Variants in DNAH9 observed in about 807,000 individuals in gnomAD.
DNAH9 encodes dynein axonemal heavy chain 9, also known as DNAH9 variant protein.
DNAH9 carries 345 observed loss-of-function variants against 471.6 expected under a neutral mutation model. The observed-to-expected ratio is 0.73, with a 90% CI of 0.67 to 0.80. DNAH9 has a LOEUF of 0.80. Among genes scored for constraint, DNAH9 ranks in the 30% least tolerant of loss-of-function variants. The probability of loss-of-function intolerance (pLI) is 0.00; values close to 1 mark genes in which losing one functional copy is unlikely to be tolerated. For missense variants in DNAH9, 5,407 were observed against 5,609.2 expected (o/e 0.96, Z 1.15); for synonymous variants, 2,093 against 2,123.6 (o/e 0.99, Z 0.40).
intron 13 of DNAH9, 94 bp from the exon 14 acceptor site, chr17:11,652,667 C>G (rs562676122): frequency 8.5e-7 from 1 of 1,177,492 alleles, no homozygotes; most frequent in African/African-American, 1.5e-5. Flanking sequence ...TTATAACACT[C>G]GCAAGTATTA....
chr17:11,738,928 T>C lies in DNAH9; in HGVS notation c.5863T>C (p.Phe1955Leu), dbSNP rs2075393641. The C allele has an allele frequency of 1.2e-6, 2 of 1,614,142 alleles. No homozygotes were observed. ...AIRDKKQWFS[F>L]LGEEISLNPS... ...TAGAGATAAGAAGCAGTGGTTCAGC[T>C]TCCTTGGGGAGGAGATCAGCCTGAA... The change falls in exon 29 of 69, where the codon TTC becomes CTC. Residue 1955 changes from phenylalanine (F) to leucine (L), a missense_variant. Physicochemically the swap from Phe to Leu is conservative, Grantham distance 22. Around this residue, in one of 3 missense-constraint regions of DNAH9, gnomAD observed 4,636 missense variants for 4,900.3 expected, o/e 0.95. Transcript: ENST00000262442.
At chr17:11,731,507 G>A (rs780463579) in intron 28 of DNAH9, among the ~76,000 whole-genome samples, 29 of 150,446 alleles carry the variant, frequency 1.9e-4, no homozygotes, top group African/African-American at 6.9e-4. Context: ...CCATTAACTC[G>A]TCATTTACAT....
rs1567788369 is a variant in DNAH9 at position 11,768,488 on chromosome 17, G to A, written c.7206G>A (p.Trp2402Ter). ...VDYRAEFSKWWLTEFKTVKFP... is the reference protein window; with the variant it reads ...VDYRAEFSKW ...ACCGGGCAGAGTTCAGCAAATGGTG[G>A]CTGACTGAGTTCAAAACAGTCAAGT... Residue 2402 changes from tryptophan (W) to a stop codon, truncating the protein, a stop_gained, in exon 37 of 69, where the codon TGG becomes TGA. Transcript: ENST00000262442. LOFTEE classifies it high-confidence loss of function. The A allele has an allele frequency of 6.2e-7, 1 of 1,614,098 alleles. No homozygotes were observed. The highest frequency in any genetic ancestry group is 8.5e-7 in the Non-Finnish European group (1 of 1,179,990).
Position 11,756,557 on chromosome 17 carries a change from G to A in DNAH9, c.6739-11G>A, listed in dbSNP as rs1183771211. On this transcript the variant is annotated splice_polypyrimidine_tract_variant and intron_variant, in intron 33 of 68. Transcript: ENST00000262442. The stretch of plus-strand genomic sequence containing the variant: ...CTTCCTCACTGGCATGCCCTTCCCT[G>A]TTGTCTCCAGGTGCTGACATTGGCC... 1.3e-6 allele frequency: 2 copies of A among 1,560,608 alleles called. No homozygotes were observed. The highest frequency in any genetic ancestry group is 1.7e-5 in the Admixed American group (1 of 59,894).
At chr17:11,633,273 A>G (rs780415007) in intron 8 of DNAH9, among the ~76,000 whole-genome samples, 2 of 152,222 alleles carry the variant, frequency 1.3e-5, no homozygotes, top group African/African-American at 4.8e-5. Flanking sequence ...GTGTTCCACC[A>G]AGCAATCAAG....
chr17:11,967,278 T>C (rs1220098090), intron 68 of DNAH9, among the ~76,000 whole-genome samples: 1 of 151,742 alleles, frequency 6.6e-6, no homozygotes, highest in Non-Finnish European at 1.5e-5. Context: ...GCTAACTTTT[T>C]TGAATTTTAA....
Position 11,942,497 on chromosome 17 carries a change from C to G in DNAH9, c.12843+12C>G. ...AGCTCGGCTTAAAGGTGAGCGCGGT[C>G]TTGTAAGGCATGGAGGGGACATTGC... On this transcript the variant is annotated intron_variant, in intron 67 of 68. Coordinates refer to ENST00000262442, the MANE Select transcript of DNAH9 (RefSeq NM_001372.4). 6.2e-7 allele frequency: 1 copy of G among 1,610,140 alleles called. No homozygotes were observed. The highest frequency in any genetic ancestry group is 2.2e-5 in the East Asian group (1 of 44,808).
chr17:11,671,627 T>G (rs1054252088), intron 17 of DNAH9, among the ~76,000 whole-genome samples: 1 of 152,170 alleles, frequency 6.6e-6, no homozygotes, highest in Non-Finnish European at 1.5e-5. Context: ...GGTTGGACTC[T>G]GGAATAGTTG....
rs913744807 is a variant in DNAH9, at chr17:11,688,092, A to G, written c.3744-1474A>G. On this transcript the variant is annotated intron_variant, in intron 19 of 68. Coordinates refer to ENST00000262442, the MANE Select transcript of DNAH9 (RefSeq NM_001372.4). ...GAGATTGCAGTAAGCCAAAAAAAAA[A>G]AAAAAAAAGAAAAAGCCATCTGCCT... Among the ~76,000 whole-genome samples, 11 of 147,976 alleles carry G rather than the reference A, an allele frequency of 7.4e-5. 1 individual carries two copies. The highest frequency in any genetic ancestry group is 1.5e-5 in the Non-Finnish European group (1 of 67,002).
At chr17:11,732,627 A>G (rs781686746) in intron 28 of DNAH9, among the ~76,000 whole-genome samples, 1 of 133,424 alleles carries the variant, frequency 7.5e-6, no homozygotes, top group Non-Finnish European at 1.6e-5. Context: ...ACTTGGGAAA[A>G]ACACCAGTGT....
At chr17:11,670,069 G>A (rs2073949827) in intron 17 of DNAH9, among the ~76,000 whole-genome samples, 1 of 152,158 alleles carries the variant, frequency 6.6e-6, no homozygotes, top group Non-Finnish European at 1.5e-5. Context: ...GACAATAATA[G>A]CAGATCCAAG....
At chr17:11,792,889 C>T (rs1175730583) in intron 41 of DNAH9, among the ~76,000 whole-genome samples, 1 of 152,150 alleles carries the variant, frequency 6.6e-6, no homozygotes, top group Non-Finnish European at 1.5e-5. Flanking sequence ...TCTCTGAATT[C>T]CAATCTTCAC....
At chr17:11,642,575 T>C (rs56297903) in intron 10 of DNAH9, among the ~76,000 whole-genome samples, 51,619 of 152,096 alleles carry the variant, frequency 0.34, 8,971 homozygotes, top group Middle Eastern at 0.43. Context: ...TATTCTATTC[T>C]ATAATAGGTA....
intron 42 of DNAH9, among the ~76,000 whole-genome samples, chr17:11,795,371 AT>A (rs1969207372): frequency 6.6e-6 from 1 of 152,154 alleles, no homozygotes; most frequent in Non-Finnish European, 1.5e-5. Context: ...CCCTCTGGAA[AT>A]TAGAAATATT....
rs761159783 is a variant in DNAH9, at chr17:11,880,089, T to C, written c.10490T>C (p.Ile3497Thr). Residue 3497 changes from isoleucine (I) to threonine (T), a missense_variant, in exon 54 of 69, where the codon ATC (isoleucine) becomes ACC (threonine). Around this residue, in one of 3 missense-constraint regions of DNAH9, gnomAD observed 4,636 missense variants for 4,900.3 expected, o/e 0.95. Transcript: ENST00000262442. ...TQIGQKGYLQIIEQALEAGAV... is the reference protein window; with the variant it reads ...TQIGQKGYLQTIEQALEAGAV... ...ACTTGTTTCCCTAGCTACCTTCAAA[T>C]CATAGAGCAGGCCCTGGAAGCTGGA... is the stretch of plus-strand genomic sequence containing the variant. The C allele has an allele frequency of 6.2e-7, 1 of 1,613,868 alleles. No homozygotes were observed. Among genetic ancestry groups the C allele is most frequent in the South Asian group, 1.1e-5 (1 of 91,070 alleles).
At chr17:11,613,491 G>A (rs1033448129) in intron 4 of DNAH9, among the ~76,000 whole-genome samples, 4 of 152,152 alleles carry the variant, frequency 2.6e-5, no homozygotes, top group Non-Finnish European at 5.9e-5. Context: ...CGTAGTCCCA[G>A]CTAATTGGGA....
chr17:11,659,721 A>G (rs2073720687), intron 14 of DNAH9, among the ~76,000 whole-genome samples: 1 of 152,194 alleles, frequency 6.6e-6, no homozygotes, highest in African/African-American at 2.4e-5. Flanking sequence ...CCCCTACATC[A>G]GCACGTCCTC....
rs553705998 is a variant in DNAH9 at position 11,839,326 on chromosome 17, C to G, written c.9507+4428C>G. ...GGTCAGGAGATCGAGACCATCCTGG[C>G]TGACACGGTGAAACCCCGTCTCTAC... On this transcript the variant is annotated intron_variant, in intron 49 of 68. Transcript: ENST00000262442. Among the ~76,000 whole-genome samples the G allele has an allele frequency of 1.1e-4, 16 of 151,780 alleles. No individual in the cohort carries two copies. The East Asian group carries it at 2.7e-3, about 26-fold the overall frequency.
chr17:11,769,415 G>T lies in DNAH9; in HGVS notation c.7552+86G>T, dbSNP rs1968109528. ...AGCTGAAGCCAAGCGTCAGGTGCCT[G>T]CCTGACTTGAGTTCTGCATACCCCA... On this transcript the variant is annotated intron_variant, in intron 38 of 68. Transcript: ENST00000262442. 2.1e-5 allele frequency: 27 copies of T among 1,259,344 alleles called. No individual in the cohort carries two copies. In the South Asian group the frequency reaches 3.4e-4, roughly 16 times the overall value. 78.0% of individuals were successfully genotyped at this position (1,259,344 alleles called of 1,614,324 possible).
Sources: gnomAD v4.1 joint callset for allele counts (sites outside exome capture counted in the v4.1 genomes callset) on GRCh38, gnomAD v4.1.1 for gene constraint, gnomAD v4.1.1 regional missense constraint, MANE v1.5 for transcripts, NCBI Gene and HGNC (gene_info 2026-07-23, HGNC 2026-07-21) for gene names.